FAM169A: variants seen among roughly 807,000 people sequenced by gnomAD.
The protein encoded by FAM169A is soluble lamin-associated protein of 75 kDa.
Under a neutral mutation model 75.7 loss-of-function variants are expected in FAM169A, and 24 were observed. The ratio of observed to expected loss-of-function variants is 0.32; its 90% confidence interval spans 0.23 to 0.45. FAM169A has a LOEUF of 0.45. FAM169A is among the 20% of genes least tolerant of loss of function. The probability of loss-of-function intolerance (pLI) is 1.00; values close to 1 mark genes in which losing one functional copy is unlikely to be tolerated. For missense variants in FAM169A, 673 were observed against 784.0 expected (o/e 0.86, Z 1.69); for synonymous variants, 271 against 271.0 (o/e 1.00, Z 0.00).
At chr5:74,866,492 C>T, upstream of FAM169A, 1 of 675,954 alleles carries the variant, frequency 1.5e-6, no homozygotes, top group Non-Finnish European at 1.8e-6. Flanking sequence ...CCTGGGACGC[C>T]GCCCTGCCTC....
chr5:74,829,922 G>A (rs780575983), intron 5 of FAM169A, among the ~76,000 whole-genome samples: 5 of 152,046 alleles, frequency 3.3e-5, no homozygotes, highest in Non-Finnish European at 7.4e-5. Context: ...GAAGTTAGCC[G>A]AGGTCGTGCC....
intron 10 of FAM169A, chr5:74,799,793 C>A: frequency 9.1e-7 from 1 of 1,095,828 alleles, no homozygotes; most frequent in Non-Finnish European, 1.4e-6. Context: ...GCCATGACTG[C>A]TGACCAATGC....
chr5:74,839,201 C>T (rs1748724010), intron 3 of FAM169A, 151 bp from the exon 4 acceptor site: 1 of 602,458 alleles, frequency 1.7e-6, no homozygotes, highest in South Asian at 2.3e-5. Context: ...ACTTTGTAGC[C>T]TCATTTATAC....
intron 11 of FAM169A, among the ~76,000 whole-genome samples, chr5:74,786,223 T>C (rs1436065359): frequency 4.6e-5 from 7 of 152,332 alleles, no homozygotes; most frequent in Admixed American, 3.3e-4. Flanking sequence ...TTGTGGGACC[T>C]TGTGATCATG....
chr5:74,834,619 A>G (rs1748475291), intron 4 of FAM169A, 22 bp from the exon 5 acceptor site: 18 of 1,500,084 alleles, frequency 1.2e-5, no homozygotes, highest in Non-Finnish European at 1.6e-5. Context: ...GTCAAACACC[A>G]GGCACAGCAG....
At chr5:74,838,847 G>T (rs901626850) in intron 4 of FAM169A, 118 bp downstream of exon 4, 1 of 743,034 alleles carries the variant, frequency 1.3e-6, no homozygotes, top group South Asian at 1.7e-5. Context: ...TGAAATTCTA[G>T]GGTTTAATAT....
intron 1 of FAM169A, among the ~76,000 whole-genome samples, chr5:74,842,296 C>T (rs1270962055): frequency 1.3e-5 from 2 of 151,296 alleles, no homozygotes; most frequent in Non-Finnish European, 2.9e-5. Flanking sequence ...TGGCAGATGC[C>T]TGTAATCCCA....
intron 1 of FAM169A, among the ~76,000 whole-genome samples, chr5:74,855,577 GTCT>G (rs1019513972): frequency 2.0e-4 from 31 of 152,064 alleles, no homozygotes; most frequent in African/African-American, 7.2e-4. Flanking sequence ...CCGTTTGTAT[GTCT>G]TTTTTTAGGA....
At chr5:74,847,909 T>A (rs142145769) in intron 1 of FAM169A, among the ~76,000 whole-genome samples, 173 of 152,280 alleles carry the variant, frequency 1.1e-3, no homozygotes, top group African/African-American at 4.1e-3. Context: ...AGTCTGACAA[T>A]TTAGATAACC....
chr5:74,821,332 T>C (rs945584980), intron 5 of FAM169A, among the ~76,000 whole-genome samples: 2 of 152,218 alleles, frequency 1.3e-5, no homozygotes, highest in African/African-American at 4.8e-5. Flanking sequence ...GGTCTATGTA[T>C]TGAATTCAAG....
chr5:74,792,734 T>C (rs1332059553), intron 11 of FAM169A, among the ~76,000 whole-genome samples: 1 of 152,170 alleles, frequency 6.6e-6, no homozygotes, highest in African/African-American at 2.4e-5. Flanking sequence ...CCTGTAAGTA[T>C]GGCCACAATA....
chr5:74,799,574 T>G, intron 10 of FAM169A: 8 of 1,493,376 alleles, frequency 5.4e-6, no homozygotes. Context: ...TTTGGGCAGC[T>G]GATGTCAGAG....
rs190502357 is a variant in FAM169A at position 74,834,295 on chromosome 5, C to T, written c.490+131G>A. The T allele has an allele frequency of 1.4e-3, 691 of 480,132 alleles. 7 individuals carry two copies. The highest frequency in any genetic ancestry group is 0.013 in the African/African-American group (632 of 50,236). 29.7% of individuals were successfully genotyped at this position (480,132 alleles called of 1,614,324 possible). On this transcript the variant is annotated intron_variant, in intron 5 of 12. Transcript: ENST00000687041. ...TAGGATGGTAGAATCAAAGTACTCC[C>T]AAGAAATACTAATTAAAATCACCTC...
chr5:74,846,503 A>G (rs1749163279), intron 1 of FAM169A, among the ~76,000 whole-genome samples: 1 of 152,230 alleles, frequency 6.6e-6, no homozygotes, highest in East Asian at 1.9e-4. Flanking sequence ...GGTTCTTAGA[A>G]GATTTTAAAT....
intron 6 of FAM169A, among the ~76,000 whole-genome samples, chr5:74,810,325 C>CG (rs1747109865): frequency 6.6e-6 from 1 of 151,846 alleles, no homozygotes; most frequent in Admixed American, 6.6e-5. Context: ...GGAAGGAAGC[C>CG]GGGGGACTGG....
At chr5:74,783,240 C>T in intron 11 of FAM169A, 106 bp from the exon 12 acceptor site, 4 of 717,130 alleles carry the variant, frequency 5.6e-6, no homozygotes, top group Non-Finnish European at 9.4e-6. Flanking sequence ...TACACCAAGA[C>T]TCAAATTTAC....
In FAM169A at chr5:74,858,769, T is replaced by G. The variant is rs568584710; in HGVS notation, c.-4+7396A>C. On this transcript the variant is annotated intron_variant, in intron 1 of 12. Transcript: ENST00000687041. ...AAAAATTAAAAAGTAAAAAAAAATT[T>G]GGGTACTTTTTTGCTAAATTTAGCT... is the stretch of plus-strand genomic sequence containing the variant. Among the ~76,000 whole-genome samples, 25 of 152,210 alleles carry G rather than the reference T, an allele frequency of 1.6e-4. 1 individual carries two copies. The highest frequency in any genetic ancestry group is 2.6e-4 in the Non-Finnish European group (18 of 68,014).
chr5:74,831,951 A>G (rs539850411), intron 5 of FAM169A, among the ~76,000 whole-genome samples: 5 of 152,274 alleles, frequency 3.3e-5, no homozygotes, highest in African/African-American at 1.2e-4. Context: ...TATTTGATGA[A>G]AGAATCAATT....
At chr5:74,793,902 C>T (rs35288236) in intron 11 of FAM169A, among the ~76,000 whole-genome samples, 13,553 of 149,082 alleles carry the variant, frequency 0.091, 818 homozygotes, top group Non-Finnish European at 0.13. Context: ...ACTCAGAAGG[C>T]TGAGGCAGGA....
Sources: gnomAD v4.1 joint callset for allele counts (sites outside exome capture counted in the v4.1 genomes callset) on GRCh38, gnomAD v4.1.1 for gene constraint, MANE v1.5 for transcripts, NCBI Gene and HGNC (gene_info 2026-07-23, HGNC 2026-07-21) for gene names.